DAW1: variants seen among roughly 807,000 people sequenced by gnomAD.
The protein encoded by DAW1 is dynein assembly factor with WD repeats 1.
A neutral mutation model predicts 56.5 loss-of-function variants in DAW1; 47 were observed. The observed-to-expected ratio is 0.83, with a 90% CI of 0.66 to 1.06. The LOEUF (loss-of-function observed/expected upper bound fraction) is 1.06, where lower values mean the gene tolerates loss of function less well. Ranked by LOEUF, DAW1 falls within the 50% of genes least tolerant of loss-of-function variation. The probability of loss-of-function intolerance (pLI) is 0.00; values close to 1 mark genes in which losing one functional copy is unlikely to be tolerated. For missense variants in DAW1, 505 were observed against 499.3 expected, an observed-to-expected ratio of 1.01 and a Z score of -0.11; for synonymous variants, 190 against 179.0, an observed-to-expected ratio of 1.06 and a Z score of -0.49.
chr2:227,883,788 G>C (rs1197638046), intron 1 of DAW1, among the ~76,000 whole-genome samples: 3 of 151,996 alleles, frequency 2.0e-5, no homozygotes, highest in Non-Finnish European at 2.9e-5. Flanking sequence ...ACTCTTTTTA[G>C]GGGCAAGAAA....
rs1198259077 is a variant in DAW1 at position 227,903,017 on chromosome 2, A to G, written c.556A>G (p.Asn186Asp). ...HTAEIVCLSF[N>D]PQSTLVATGS... ...TGTAATTTAGGTGTGTTTATCATTTAACCCTCAAAGCACATTGGTGGCGAC... is the reference window on the plus strand; with the variant it reads ...TGTAATTTAGGTGTGTTTATCATTTGACCCTCAAAGCACATTGGTGGCGAC... The change falls in exon 7 of 13, where the codon AAC (asparagine) becomes GAC (aspartate). Residue 186 changes from asparagine (N) to aspartate (D), a missense_variant. Asn to Asp is a conservative substitution (Grantham distance 23). Transcript: ENST00000309931. 6.2e-7 allele frequency: 1 copy of G among 1,614,030 alleles called. No individual in the cohort carries two copies. Among genetic ancestry groups the G allele is most frequent in the African/African-American group, 1.3e-5 (1 of 74,942 alleles).
At chr2:227,917,584 T>G (rs72965752) in intron 10 of DAW1, among the ~76,000 whole-genome samples, 30,327 of 152,034 alleles carry the variant, frequency 0.2, 3,281 homozygotes, top group Middle Eastern at 0.32. Context: ...TTTAGTTGTA[T>G]CCCTATCTGT....
Position 227,924,180 on chromosome 2 carries a change from C to T in DAW1, c.*212C>T. On this transcript the variant is annotated 3_prime_UTR_variant, in exon 13 of 13. Transcript: ENST00000309931. Reference sequence around the variant, plus strand: ...ATTATTTGATGGCGATGGCAGGACACAGCATAATGTTTGGCTAATGCCACC... The same window carrying T: ...ATTATTTGATGGCGATGGCAGGACATAGCATAATGTTTGGCTAATGCCACC... The T allele has an allele frequency of 1.7e-6, 1 of 588,906 alleles. No homozygotes were observed. The highest frequency in any genetic ancestry group is 3.0e-6 in the Non-Finnish European group (1 of 333,904). 36.5% of individuals were successfully genotyped at this position (588,906 alleles called of 1,614,324 possible). A position where few individuals can be genotyped will look rare whatever the true frequency, so the allele number is the denominator to read the frequency against.
intron 2 of DAW1, 54 bp downstream of exon 2, chr2:227,885,477 A>ATCACTCTGTGTCAAG: frequency 1.4e-6 from 2 of 1,389,268 alleles, no homozygotes; most frequent in Non-Finnish European, 2.0e-6. Context: ...GCCTTGACAC[A>ATCACTCTGTGTCAAG]GAGTGATGTG....
At position 227,893,877 on chromosome 2, in the gene DAW1, A is replaced by T. The variant is rs770880506; in HGVS notation, c.400A>T (p.Arg134Trp). The T allele has an allele frequency of 1.7e-5, 27 of 1,613,724 alleles. No homozygotes were observed. The highest frequency in any genetic ancestry group is 2.2e-5 in the Non-Finnish European group (26 of 1,179,914). ...GGAGCTGAACACGCTGGAGGGCCAC[A>T]GGAATGTGGTTTATGCCATAGCATT... ...GEELNTLEGHRNVVYAIAFNN... is the reference protein window; with the variant it reads ...GEELNTLEGHWNVVYAIAFNN... The change falls in exon 5 of 13, where the codon AGG (arginine) becomes TGG (tryptophan). Residue 134 changes from arginine (R) to tryptophan (W), a missense_variant. Arg to Trp is a moderately radical substitution (Grantham distance 101). Coordinates refer to ENST00000309931, the MANE Select transcript of DAW1 (RefSeq NM_178821.3).
chr2:227,915,799 C>T (rs896596076), intron 10 of DAW1, among the ~76,000 whole-genome samples: 2 of 152,052 alleles, frequency 1.3e-5, no homozygotes, highest in Non-Finnish European at 2.9e-5. Context: ...TCCTTAATAG[C>T]CATATATAAT....
At chr2:227,918,917 A>G (rs1692039010) in intron 11 of DAW1, 61 bp downstream of exon 11, 1 of 1,508,056 alleles carries the variant, frequency 6.6e-7, no homozygotes. Context: ...AGCAGGGCCC[A>G]GGTGCAGTGC....
chr2:227,883,893 T>C (rs554243779), intron 1 of DAW1, among the ~76,000 whole-genome samples: 1 of 152,328 alleles, frequency 6.6e-6, no homozygotes, highest in East Asian at 1.9e-4. Flanking sequence ...AATTTCTCAA[T>C]TTTAGTTTTT....
intron 5 of DAW1, among the ~76,000 whole-genome samples, chr2:227,894,975 G>A (rs970326951): frequency 6.6e-6 from 1 of 152,204 alleles, no homozygotes; most frequent in African/African-American, 2.4e-5. Context: ...TAAAATATGA[G>A]TGTGAAAAGA....
At chr2:227,902,024 G>A (rs1279333325) in intron 6 of DAW1, among the ~76,000 whole-genome samples, 1 of 152,164 alleles carries the variant, frequency 6.6e-6, no homozygotes, top group African/African-American at 2.4e-5. Flanking sequence ...TCTCAGGGAA[G>A]TGGAAGGAGG....
chr2:227,905,759 G>T (rs6723413), intron 8 of DAW1, among the ~76,000 whole-genome samples: 5,903 of 152,154 alleles, frequency 0.039, 415 homozygotes, highest in African/African-American at 0.14. Context: ...TATTTATTTA[G>T]TTAGTTAGTT....
chr2:227,917,216 C>A (rs1691974990), intron 10 of DAW1, among the ~76,000 whole-genome samples: 1 of 151,102 alleles, frequency 6.6e-6, no homozygotes, highest in Non-Finnish European at 1.5e-5. Context: ...ATCGATCTAT[C>A]TACTTTTTCT....
At chr2:227,918,195 CCAT>C (rs1346434626) in intron 10 of DAW1, among the ~76,000 whole-genome samples, 1 of 131,300 alleles carries the variant, frequency 7.6e-6, no homozygotes, top group Non-Finnish European at 1.8e-5. Context: ...ATCCATCCAT[CCAT>C]CCATCCATCC....
At chr2:227,910,216 C>T (rs755688566) in intron 10 of DAW1, among the ~76,000 whole-genome samples, 11 of 152,062 alleles carry the variant, frequency 7.2e-5, no homozygotes, top group Middle Eastern at 3.4e-3. Flanking sequence ...CTTCGGGAGG[C>T]CAAGATTGGA....
chr2:227,903,138 AT>A, intron 7 of DAW1, 29 bp downstream of exon 7: 1 of 1,597,954 alleles, frequency 6.3e-7, no homozygotes, highest in Non-Finnish European at 8.6e-7. Context: ...TAAGCCTGTT[AT>A]TTGTGTTCAT....
chr2:227,917,862 G>A (rs947455284), intron 10 of DAW1, among the ~76,000 whole-genome samples: 12 of 152,094 alleles, frequency 7.9e-5, no homozygotes, highest in Middle Eastern at 3.2e-3. Flanking sequence ...AGAAAGGCAA[G>A]TAAAAAATTT....
chr2:227,872,589 T>C (rs1016524006), intron 1 of DAW1, among the ~76,000 whole-genome samples: 3 of 152,160 alleles, frequency 2.0e-5, no homozygotes, highest in Admixed American at 1.3e-4. Context: ...TTCCTCAAAC[T>C]GTGCCCTGCC....
chr2:227,896,902 G>T (rs1323125871), intron 5 of DAW1, among the ~76,000 whole-genome samples: 1 of 151,772 alleles, frequency 6.6e-6, no homozygotes, highest in Admixed American at 6.6e-5. Context: ...AATGTACATA[G>T]TGAGACCTCA....
intron 6 of DAW1, among the ~76,000 whole-genome samples, chr2:227,899,963 T>G (rs1691499815): frequency 1.3e-5 from 2 of 152,202 alleles, no homozygotes; most frequent in African/African-American, 2.4e-5. Context: ...GAAGTAAAAT[T>G]TATTTACACT....
Sources: gnomAD v4.1 joint callset for allele counts (sites outside exome capture counted in the v4.1 genomes callset) on GRCh38, gnomAD v4.1.1 for gene constraint, MANE v1.5 for transcripts, NCBI Gene and HGNC (gene_info 2026-07-23, HGNC 2026-07-21) for gene names.